The following TUBA8 variants were observed in gnomAD, a reference collection of about 807,000 sequenced individuals.
TUBA8 encodes the protein tubulin alpha-8 chain.
In TUBA8, 29 loss-of-function variants were observed where a neutral mutation model predicts 34.7. The observed-to-expected ratio is 0.84, with a 90% CI of 0.62 to 1.14. The LOEUF (loss-of-function observed/expected upper bound fraction) is 1.14, where lower values mean the gene tolerates loss of function less well. Ranked by LOEUF, TUBA8 falls within the 50% of genes most tolerant of loss-of-function variation. The pLI is 0.00. For synonymous variants in TUBA8, 226 were observed against 231.2 expected (o/e 0.98, Z 0.21); for missense variants, 541 against 599.2 (o/e 0.90, Z 1.01).
At chr22:18,117,308 C>T (rs2123695591) in intron 1 of TUBA8, 1 of 152,272 alleles carries the variant, frequency 6.6e-6, no homozygotes, top group East Asian at 1.9e-4. Flanking sequence ...TACTTAACCA[C>T]ATTTTTATGA....
chr22:18,121,665 C>G lies in TUBA8; in HGVS notation c.190C>G (p.Arg64Gly), dbSNP rs903056481. 1 of 1,614,062 alleles carries G rather than the reference C, an allele frequency of 6.2e-7. No individual in the cohort carries two copies. Among genetic ancestry groups the G allele is most frequent in the Admixed American group, 1.7e-5 (1 of 59,992 alleles). Residue 64 changes from arginine to glycine, a missense_variant, in exon 2 of 5, where the codon CGG becomes GGG. Transcript: ENST00000330423. The surrounding 1 kb of genome is among the most constrained non-coding windows in gnomAD (Gnocchi z 4.8). ...GACTGGCAATGGGAAGCATGTGCCCCGGGCCGTCATGATAGATCTGGAGCC... is the reference window on the plus strand; with the variant it reads ...GACTGGCAATGGGAAGCATGTGCCCGGGGCCGTCATGATAGATCTGGAGCC... ...SETGNGKHVP[R>G]AVMIDLEPTV...
chr22:18,118,519 C>T lies in TUBA8; in HGVS notation c.4-2960C>T, dbSNP rs540837056. ...AGCCTCCGTGCCTCCAGGCGCTATG[C>T]GACATTCCAGGCTCATCTAGCACAC... On this transcript the variant is annotated intron_variant, in intron 1 of 4. Coordinates refer to ENST00000330423, the MANE Select transcript of TUBA8 (RefSeq NM_018943.3). The surrounding 1 kb of genome is among the most constrained non-coding windows in gnomAD (Gnocchi z 4.0). 25 of 152,314 alleles carry T rather than the reference C, an allele frequency of 1.6e-4. No individual in the cohort carries two copies. In the South Asian group the frequency reaches 4.6e-3, roughly 28 times the overall value. 9.4% of individuals were successfully genotyped at this position (152,314 alleles called of 1,614,324 possible).
At position 18,126,693 on chromosome 22, in the gene TUBA8, A is replaced by G. The variant is rs570928924; in HGVS notation, c.715A>G (p.Thr239Ala). The G allele has an allele frequency of 6.2e-7, 1 of 1,614,140 alleles. No individual in the cohort carries two copies. Among genetic ancestry groups the G allele is most frequent in the African/African-American group, 1.3e-5 (1 of 75,040 alleles). ...CATCAGTCAGATTGTGTCCTCAATC[A>G]CTGCTTCTCTCCGCTTTGACGGGGC... ...RLISQIVSSI[T>A]ASLRFDGALN... is the part of the protein sequence containing the mutation. Residue 239 changes from threonine to alanine, a missense_variant, in exon 4 of 5, where the codon ACT becomes GCT. Transcript: ENST00000330423. This position sits in a 1 kb window ranked among gnomAD's most constrained non-coding sequence, Gnocchi z 4.0.
rs1369779394 is a variant in TUBA8, at chr22:18,111,909, G to A, written c.3+1041G>A. On this transcript the variant is annotated intron_variant, in intron 1 of 4. Transcript: ENST00000330423. The surrounding 1 kb of genome is among the most constrained non-coding windows in gnomAD (Gnocchi z 5.1). Reference sequence around the variant, plus strand: ...GTTTGGCCCGTGCCCAGGGCCTCCTGGCTCCCCCGGAGCTCTAGCCTTCCA... The same window carrying A: ...GTTTGGCCCGTGCCCAGGGCCTCCTAGCTCCCCCGGAGCTCTAGCCTTCCA... The A allele has an allele frequency of 6.6e-6, 1 of 152,184 alleles. No homozygotes were observed. The highest frequency in any genetic ancestry group is 1.5e-5 in the Non-Finnish European group (1 of 68,058). 9.4% of individuals were successfully genotyped at this position (152,184 alleles called of 1,614,324 possible).
intron 4 of TUBA8, 176 bp downstream of exon 4, chr22:18,127,210 G>A (rs955072237): frequency 1.5e-5 from 10 of 659,556 alleles, no homozygotes; most frequent in Non-Finnish European, 2.3e-5. Flanking sequence ...TGCTGTCAAA[G>A]TTTTGTCTGT....
chr22:18,131,210 A>G lies in TUBA8; in HGVS notation c.*74A>G. ...CAAAGCACATGTTCAAGAGAACAGA[A>G]CACTCTCCCCGCCCCAGCCTGATTC... On this transcript the variant is annotated 3_prime_UTR_variant, in exon 5 of 5. Transcript: ENST00000330423. The surrounding 1 kb of genome is among the most constrained non-coding windows in gnomAD (Gnocchi z 5.3). The G allele has an allele frequency of 6.6e-7, 1 of 1,510,090 alleles. No individual in the cohort carries two copies. The highest frequency in any genetic ancestry group is 1.1e-5 in the South Asian group (1 of 87,724). 93.5% of individuals were successfully genotyped at this position (1,510,090 alleles called of 1,614,324 possible).
At position 18,121,358 on chromosome 22, in the gene TUBA8, G is replaced by C; in HGVS notation, c.4-121G>C. On this transcript the variant is annotated intron_variant, in intron 1 of 4. Transcript: ENST00000330423. This position sits in a 1 kb window ranked among gnomAD's most constrained non-coding sequence, Gnocchi z 4.8. ...GAGCTGGGGCACCTGCAGCCTCAAC[G>C]CCAACTGGCAATGGGGGGCTGGGGC... 2 of 849,726 alleles carry C rather than the reference G, an allele frequency of 2.4e-6. No individual in the cohort carries two copies. Among genetic ancestry groups the C allele is most frequent in the Non-Finnish European group, 4.0e-6 (2 of 502,132 alleles). 52.6% of individuals were successfully genotyped at this position (849,726 alleles called of 1,614,324 possible). A position where few individuals can be genotyped will look rare whatever the true frequency, so the allele number is the denominator to read the frequency against.
At position 18,121,559 on chromosome 22, in the gene TUBA8, C is replaced by A; in HGVS notation, c.84C>A (p.His28Gln). 1 of 1,614,216 alleles carries A rather than the reference C, an allele frequency of 6.2e-7. No individual in the cohort carries two copies. The highest frequency in any genetic ancestry group is 8.5e-7 in the Non-Finnish European group (1 of 1,180,040). The change falls in exon 2 of 5, where the codon CAC becomes CAA. Residue 28 changes from histidine to glutamine, a missense_variant. Coordinates refer to ENST00000330423, the MANE Select transcript of TUBA8 (RefSeq NM_018943.3). This position sits in a 1 kb window ranked among gnomAD's most constrained non-coding sequence, Gnocchi z 4.8. ...NACWELFCLE[H>Q]GIQADGTFDA... is the part of the protein sequence containing the mutation. ...GCTGGGAGCTCTTCTGCCTGGAACACGGCATCCAGGCAGACGGCACTTTTG... is the reference window on the plus strand; with the variant it reads ...GCTGGGAGCTCTTCTGCCTGGAACAAGGCATCCAGGCAGACGGCACTTTTG...
intron 1 of TUBA8, chr22:18,115,340 CCTT>C (rs1209240859): frequency 6.6e-6 from 1 of 152,356 alleles, no homozygotes; most frequent in Non-Finnish European, 1.5e-5. Context: ...GAAGATGTCT[CCTT>C]CTCCTTGGAA....
At position 18,121,480 on chromosome 22, in the gene TUBA8, G is replaced by T. The variant is rs761087286; in HGVS notation, c.5G>T (p.Arg2Leu). 5 of 1,613,738 alleles carry T rather than the reference G, an allele frequency of 3.1e-6. No homozygotes were observed. The East Asian group carries it at 1.1e-4, about 36-fold the overall frequency. Residue 2 changes from arginine to leucine, a missense_variant and splice_region_variant, in exon 2 of 5, where the codon CGG (arginine) becomes CTG (leucine). Transcript: ENST00000330423. The surrounding 1 kb of genome is among the most constrained non-coding windows in gnomAD (Gnocchi z 4.8). M[R>L]ECISVHVGQA... is the part of the protein sequence containing the mutation. ...CTCGTTGCTTCCCTCTCCCCACAGC[G>T]GGAATGCATATCAGTCCACGTGGGC...
rs1289554226 is a variant in TUBA8 at position 18,126,264 on chromosome 22, GCAGA to G, written c.376-85_376-82del. ...GATTTCATCCACAAAAAAATATGAGGCAGACAGAGTGGGCGGTCTGGCTTTTTTA... is the reference window on the plus strand; with the variant it reads ...GATTTCATCCACAAAAAAATATGAGGCAGAGTGGGCGGTCTGGCTTTTTTA... On this transcript the variant is annotated intron_variant, in intron 3 of 4. Coordinates refer to ENST00000330423, the MANE Select transcript of TUBA8 (RefSeq NM_018943.3). This position sits in a 1 kb window ranked among gnomAD's most constrained non-coding sequence, Gnocchi z 4.0. 2.5e-6 allele frequency: 3 copies of G among 1,207,042 alleles called. No homozygotes were observed. Among genetic ancestry groups the G allele is most frequent in the Admixed American group, 1.8e-5 (1 of 56,450 alleles). The allele number at this position is 1,207,042 out of a possible 1,614,324, so 74.8% of individuals were successfully genotyped here.
At chr22:18,125,860 T>C (rs362133) in intron 3 of TUBA8, 36,363 of 181,832 alleles carry the variant, frequency 0.2, 6,567 homozygotes, top group African/African-American at 0.51. Flanking sequence ...CTGCAGCTTG[T>C]CATCCTATTA....
Position 18,131,267 on chromosome 22 carries a change from C to A in TUBA8, c.*131C>A. The A allele has an allele frequency of 9.8e-7, 1 of 1,018,138 alleles. No individual in the cohort carries two copies. The highest frequency in any genetic ancestry group is 1.6e-5 in the African/African-American group (1 of 63,112). The allele number at this position is 1,018,138 out of a possible 1,614,324, so 63.1% of individuals were successfully genotyped here. ...TACCCAGGAGGAGGGTGCCTGGCCC[C>A]AGTACCCAGGGTGGCACGACTGGGC... On this transcript the variant is annotated 3_prime_UTR_variant, in exon 5 of 5. Transcript: ENST00000330423. This position sits in a 1 kb window ranked among gnomAD's most constrained non-coding sequence, Gnocchi z 5.3.
intron 1 of TUBA8, chr22:18,112,900 A>G (rs981861006): frequency 1.1e-4 from 16 of 152,156 alleles, no homozygotes; most frequent in Non-Finnish European, 1.8e-4. Flanking sequence ...ATAAACCTAG[A>G]CCCCTAGAAT....
intron 4 of TUBA8, 154 bp downstream of exon 4, chr22:18,127,188 T>C (rs1928357858): frequency 1.3e-6 from 1 of 780,382 alleles, no homozygotes. Flanking sequence ...TCAGCTTTGG[T>C]TGAGACACAA....
intron 4 of TUBA8, chr22:18,130,629 G>C (rs1928467761): frequency 5.0e-6 from 3 of 594,342 alleles, no homozygotes; most frequent in Admixed American, 3.0e-5. Context: ...TTTTTGCTCT[G>C]TTGCCCTGCC....
Position 18,130,878 on chromosome 22 carries a change from C to T in TUBA8, c.1092C>T (p.Pro364=), listed in dbSNP as rs149199133. 43 of 1,614,052 alleles carry T rather than the reference C, an allele frequency of 2.7e-5. No individual in the cohort carries two copies. The highest frequency in any genetic ancestry group is 7.7e-5 in the South Asian group (7 of 91,078). ...ACTACCAGCCCCCGACCGTGGTCCC[C>T]GGGGGAGACCTGGCCAAGGTGCAGC... ...GINYQPPTVV[P]GGDLAKVQRA... is the part of the protein sequence containing the mutation. Residue 364 remains proline (P), a synonymous_variant, in exon 5 of 5, where the codon CCC becomes CCT. Coordinates refer to ENST00000330423, the MANE Select transcript of TUBA8 (RefSeq NM_018943.3).
At chr22:18,125,366 T>C (rs1043632320) in intron 3 of TUBA8, 9 of 151,758 alleles carry the variant, frequency 5.9e-5, no homozygotes, top group African/African-American at 2.2e-4. Context: ...ATACAAAAAA[T>C]TAGCTGGGCA....
At position 18,121,957 on chromosome 22, in the gene TUBA8, G is replaced by C. The variant is rs749580064; in HGVS notation, c.226+256G>C. On this transcript the variant is annotated intron_variant, in intron 2 of 4. Coordinates refer to ENST00000330423, the MANE Select transcript of TUBA8 (RefSeq NM_018943.3). The surrounding 1 kb of genome is among the most constrained non-coding windows in gnomAD (Gnocchi z 4.8). ...AAACCTGCGGCACCAGGTCAAAATGGTCACATCGCTACTAAATACTAAGGA... is the reference window on the plus strand; with the variant it reads ...AAACCTGCGGCACCAGGTCAAAATGCTCACATCGCTACTAAATACTAAGGA... 3 of 520,768 alleles carry C rather than the reference G, an allele frequency of 5.8e-6. No individual in the cohort carries two copies. Among genetic ancestry groups the C allele is most frequent in the Non-Finnish European group, 1.0e-5 (3 of 288,938 alleles). The allele number at this position is 520,768 out of a possible 1,614,324, so 32.3% of individuals were successfully genotyped here. A position where few individuals can be genotyped will look rare whatever the true frequency, so the allele number is the denominator to read the frequency against.
Sources: allele counts gnomAD v4.1 joint callset, GRCh38; gene constraint gnomAD v4.1.1; non-coding constraint Gnocchi (gnomAD v3.1); transcripts MANE v1.5; gene names NCBI Gene and HGNC (gene_info 2026-07-23, HGNC 2026-07-21).